The following CFAP92 variants were observed in gnomAD, a reference collection of about 807,000 sequenced individuals.
The protein encoded by CFAP92 is uncharacterized protein CFAP92.
Under a neutral mutation model 106.3 loss-of-function variants are expected in CFAP92, and 86 were observed. That is an observed-to-expected ratio of 0.81 (90% CI 0.68 to 0.97). The LOEUF is 0.97. CFAP92 is among the 50% of genes least tolerant of loss of function. CFAP92 has a pLI of 0.00. For synonymous variants in CFAP92, 477 were observed against 506.4 expected, an observed-to-expected ratio of 0.94 and a Z score of 0.78; for missense variants, 1,204 against 1,283.8, an observed-to-expected ratio of 0.94 and a Z score of 0.95.
At chr3:128,980,669 A>G (rs1262721044) in intron 4 of CFAP92, among the ~76,000 whole-genome samples, 2 of 152,204 alleles carry the variant, frequency 1.3e-5, no homozygotes, top group African/African-American at 4.8e-5. Context: ...GTACTATTCT[A>G]AATCCTATTG....
intron 4 of CFAP92, among the ~76,000 whole-genome samples, chr3:128,982,767 A>C (rs1943609959): frequency 6.6e-6 from 1 of 152,222 alleles, no homozygotes; most frequent in Non-Finnish European, 1.5e-5. Flanking sequence ...ATCTCAGGGA[A>C]TAGGGAGGCC....
intron 2 of CFAP92, among the ~76,000 whole-genome samples, chr3:128,990,060 G>A (rs760632186): frequency 6.6e-6 from 1 of 152,204 alleles, no homozygotes. Flanking sequence ...AAAAATGGAC[G>A]TAAAGAATGT....
chr3:128,978,417 A>T (rs957471503), intron 4 of CFAP92: 3 of 371,264 alleles, frequency 8.1e-6, no homozygotes, highest in African/African-American at 6.3e-5. Flanking sequence ...AAAAATGTAC[A>T]TACCTAAGTT....
chr3:128,965,811 C>T, intron 8 of CFAP92, 116 bp from the exon 9 acceptor site: 1 of 389,230 alleles, frequency 2.6e-6, no homozygotes, highest in African/African-American at 2.1e-5. Context: ...AAAGTGAAAA[C>T]TTTAATTAAA....
chr3:129,017,423 C>T, the CFAP92 span, among the ~76,000 whole-genome samples: 3 of 152,232 alleles, frequency 2.0e-5, no homozygotes, highest in Non-Finnish European at 4.4e-5. Context: ...TCCAGGCGGG[C>T]GTGGCGGGCT....
chr3:128,942,523 G>T (rs1331794152), intron 10 of CFAP92, among the ~76,000 whole-genome samples: 1 of 152,210 alleles, frequency 6.6e-6, no homozygotes, highest in Non-Finnish European at 1.5e-5. Flanking sequence ...TGGAAGGTCA[G>T]CCTCCATCCT....
chr3:128,999,735 G>GA lies in CFAP92; in HGVS notation n.117+2838_117+2839insT, dbSNP rs375371347. Among the ~76,000 whole-genome samples the GA allele has an allele frequency of 9.3e-3, 1,409 of 151,640 alleles. 13 individuals carry two copies. Among genetic ancestry groups the GA allele is most frequent in the African/African-American group, 0.032 (1,340 of 41,244 alleles). ...TGGTATTTTTAGTAGAGATGGGGGT[G>GA]GTTCACTATGTTGTCCAGGCTGTTC... On this transcript the variant is annotated intron_variant and non_coding_transcript_variant, in intron 1 of 4. Coordinates refer to the CFAP92 transcript ENST00000510149.
At chr3:129,019,148 C>A in the CFAP92 span, among the ~76,000 whole-genome samples, 1 of 152,258 alleles carries the variant, frequency 6.6e-6, no homozygotes, top group Non-Finnish European at 1.5e-5. Context: ...TTGATGTAAT[C>A]AGGTTCACCA....
the CFAP92 span, among the ~76,000 whole-genome samples, chr3:129,020,619 A>T: frequency 1.3e-5 from 2 of 152,232 alleles, no homozygotes; most frequent in Non-Finnish European, 2.9e-5. Context: ...CCTGGGCAAC[A>T]GAGTAACACC....
chr3:128,946,642 G>A (rs139750323), intron 9 of CFAP92, among the ~76,000 whole-genome samples: 208 of 152,330 alleles, frequency 1.4e-3, no homozygotes, highest in Non-Finnish European at 2.3e-3. Flanking sequence ...CACGGAAGCT[G>A]AGAATTTATT....
Position 128,962,243 on chromosome 3 carries a change from C to T in CFAP92, c.1353+3268G>A, listed in dbSNP as rs553144594. Among the ~76,000 whole-genome samples, 12 of 152,216 alleles carry T rather than the reference C, an allele frequency of 7.9e-5. No individual in the cohort carries two copies. In the South Asian group the frequency reaches 1.7e-3, roughly 21 times the overall value. On this transcript the variant is annotated intron_variant, in intron 9 of 15. Transcript: ENST00000645291. ...GCCGAGCTTCCGGTAACTCTCACAGCGGAAGGTAAGCCCGTCCCCTTCTTA... is the reference window on the plus strand; with the variant it reads ...GCCGAGCTTCCGGTAACTCTCACAGTGGAAGGTAAGCCCGTCCCCTTCTTA...
At chr3:129,015,536 G>C in the CFAP92 span, among the ~76,000 whole-genome samples, 1 of 151,866 alleles carries the variant, frequency 6.6e-6, no homozygotes, top group Admixed American at 6.6e-5. Context: ...CAGCAGCTTG[G>C]GCTGGCAGGG....
At chr3:128,956,221 A>AAAAAAT (rs1941400829) in intron 9 of CFAP92, among the ~76,000 whole-genome samples, 1 of 84,172 alleles carries the variant, frequency 1.2e-5, no homozygotes, top group Non-Finnish European at 2.0e-5. Context: ...AAAATAAAAA[A>AAAAAAT]AAAAAAAGAA....
the CFAP92 span, among the ~76,000 whole-genome samples, chr3:129,013,711 C>T: frequency 6.6e-6 from 1 of 152,224 alleles, no homozygotes; most frequent in African/African-American, 2.4e-5. Flanking sequence ...GTACTCTGGA[C>T]CAATCACTGC....
chr3:128,957,469 C>T (rs1941531298), intron 9 of CFAP92, among the ~76,000 whole-genome samples: 1 of 151,944 alleles, frequency 6.6e-6, no homozygotes, highest in Admixed American at 6.6e-5. Context: ...CAGAGTGCCA[C>T]TAAAAATCTA....
chr3:129,013,124 A>G, the CFAP92 span, among the ~76,000 whole-genome samples: 1 of 152,136 alleles, frequency 6.6e-6, no homozygotes, highest in South Asian at 2.1e-4. Flanking sequence ...CAGGGGTAGT[A>G]TACATGGTTC....
At chr3:128,981,137 C>T (rs1249580688) in intron 4 of CFAP92, among the ~76,000 whole-genome samples, 2 of 148,594 alleles carry the variant, frequency 1.3e-5, no homozygotes, top group East Asian at 2.0e-4. Flanking sequence ...CCCAGGTTCA[C>T]GCCATTCTCC....
At chr3:128,911,563 G>A (rs1266101420) in intron 15 of CFAP92, among the ~76,000 whole-genome samples, 3 of 152,068 alleles carry the variant, frequency 2.0e-5, no homozygotes, top group Non-Finnish European at 4.4e-5. Flanking sequence ...TCAGCCTCCT[G>A]AGTAGTTGGG....
At chr3:128,973,331 G>C (rs890653143) in intron 7 of CFAP92, among the ~76,000 whole-genome samples, 4 of 152,186 alleles carry the variant, frequency 2.6e-5, no homozygotes, top group African/African-American at 4.8e-5. Context: ...GGGGAGAACA[G>C]CAATCCTCAG....
Sources: allele counts gnomAD v4.1 joint callset (sites outside exome capture counted in the v4.1 genomes callset), GRCh38; gene constraint gnomAD v4.1.1; transcripts MANE v1.5; gene names NCBI Gene and HGNC (gene_info 2026-07-23, HGNC 2026-07-21).